RAB27B: variants seen among roughly 807,000 people sequenced by gnomAD.
RAB27B encodes the protein ras-related protein Rab-27B.
A neutral mutation model predicts 24.6 loss-of-function variants in RAB27B; 15 were observed. The ratio of observed to expected loss-of-function variants is 0.61; its 90% CI spans 0.41 to 0.94. RAB27B has a LOEUF of 0.94. Ranked by LOEUF, RAB27B falls within the 40% of genes least tolerant of loss-of-function variation. The pLI, the probability that RAB27B is intolerant of heterozygous loss-of-function variation, is 0.00. For synonymous variants in RAB27B, 105 were observed against 92.5 expected, an observed-to-expected ratio of 1.14 and a Z score of -0.78; for missense variants, 261 against 266.8, an observed-to-expected ratio of 0.98 and a Z score of 0.15.
At chr18:54,841,672 G>A (rs535430821) in intron 1 of RAB27B, among the ~76,000 whole-genome samples, 2 of 152,182 alleles carry the variant, frequency 1.3e-5, no homozygotes, top group African/African-American at 4.8e-5. Context: ...GATAAGAGGT[G>A]GGCTTATAAA....
chr18:54,841,159 C>CGGGGGGGGG (rs1478976600), intron 1 of RAB27B, among the ~76,000 whole-genome samples: 1 of 19,876 alleles, frequency 5.0e-5, no homozygotes, highest in African/African-American at 8.7e-5. Flanking sequence ...GGTGGCGGGG[C>CGGGGGGGGG]GGTGGGGGGT....
chr18:54,881,106 C>A (rs1342068342), intron 3 of RAB27B, among the ~76,000 whole-genome samples: 12 of 152,106 alleles, frequency 7.9e-5, no homozygotes, highest in African/African-American at 2.9e-4. Flanking sequence ...GATAATGTAG[C>A]TTTGGGGTCT....
intron 2 of RAB27B, among the ~76,000 whole-genome samples, chr18:54,755,616 A>T (rs1907980050): frequency 6.6e-6 from 1 of 152,158 alleles, no homozygotes. Context: ...AGCTAAGGAG[A>T]GGTCAGATAA....
At chr18:54,771,206 A>G (rs149637104) in intron 2 of RAB27B, among the ~76,000 whole-genome samples, 29 of 152,362 alleles carry the variant, frequency 1.9e-4, no homozygotes, top group Middle Eastern at 6.8e-3. Flanking sequence ...GTCATTTTAT[A>G]GATAAAATGA....
intron 2 of RAB27B, among the ~76,000 whole-genome samples, chr18:54,814,833 A>T (rs1910073157): frequency 6.6e-6 from 1 of 152,238 alleles, no homozygotes; most frequent in African/African-American, 2.4e-5. Context: ...TTATTGTAGA[A>T]TACTGAATGA....
chr18:54,801,815 A>C (rs992357488), intron 2 of RAB27B, among the ~76,000 whole-genome samples: 1 of 152,186 alleles, frequency 6.6e-6, no homozygotes, highest in Non-Finnish European at 1.5e-5. Flanking sequence ...AGATTTGTTA[A>C]ACCTGTGGAT....
chr18:54,828,158 C>G (rs921510682), upstream of RAB27B: 26 of 152,196 alleles, frequency 1.7e-4, no homozygotes, highest in Non-Finnish European at 3.4e-4. Flanking sequence ...TGAGACACCC[C>G]CTCGGAGGAG....
intron 3 of RAB27B, among the ~76,000 whole-genome samples, chr18:54,880,975 C>G (rs1012734366): frequency 2.6e-5 from 4 of 152,102 alleles, no homozygotes; most frequent in Admixed American, 6.6e-5. Context: ...GCTGTGCAAT[C>G]CATGTAAGAT....
At chr18:54,834,610 A>G (rs1910818837) in intron 1 of RAB27B, among the ~76,000 whole-genome samples, 1 of 152,112 alleles carries the variant, frequency 6.6e-6, no homozygotes, top group African/African-American at 2.4e-5. Context: ...ATAGATAAAT[A>G]GATAGATAAC....
intron 2 of RAB27B, among the ~76,000 whole-genome samples, chr18:54,769,751 A>C (rs1908484009): frequency 6.6e-6 from 1 of 152,192 alleles, no homozygotes; most frequent in Non-Finnish European, 1.5e-5. Context: ...GTAAATCAGC[A>C]GTCTGATTTC....
intron 2 of RAB27B, among the ~76,000 whole-genome samples, chr18:54,753,409 T>A (rs1160510472): frequency 1.3e-5 from 2 of 152,194 alleles, no homozygotes; most frequent in African/African-American, 2.4e-5. Context: ...GGCAAGTTAT[T>A]CTAATTCCTC....
In RAB27B at chr18:54,894,494, A is replaced by C. The variant is rs1383366118; in HGVS notation, c.*5081A>C. 6.6e-6 allele frequency: 1 copy of C among 152,076 alleles called. No individual in the cohort carries two copies. The highest frequency in any genetic ancestry group is 1.5e-5 in the Non-Finnish European group (1 of 67,958). The allele number at this position is 152,076 out of a possible 1,614,324, so 9.4% of individuals were successfully genotyped here. ...TCAAAATGGTTTCTGTTCCTAGAAA[A>C]GTAATAACATATGCTTATCTTTATT... On this transcript the variant is annotated 3_prime_UTR_variant, in exon 6 of 6. Transcript: ENST00000262094.
At position 54,741,659 on chromosome 18, in the gene RAB27B, A is replaced by G. The variant is rs138511203; in HGVS notation, c.-20+23518A>G. On this transcript the variant is annotated intron_variant, in intron 2 of 4. Coordinates refer to the RAB27B transcript ENST00000586570. ...CAGGCATGCACCACCATGCCCAGCT[A>G]ATTTTTTGTTTGTTTGTATTTTTTG... Among the ~76,000 whole-genome samples, 907 of 151,762 alleles carry G rather than the reference A, an allele frequency of 6.0e-3. 5 individuals are homozygous for G. Among genetic ancestry groups the G allele is most frequent in the African/African-American group, 0.021 (883 of 41,340 alleles).
chr18:54,822,743 T>C (rs1269442421), intron 2 of RAB27B, among the ~76,000 whole-genome samples: 1 of 152,212 alleles, frequency 6.6e-6, no homozygotes, highest in Non-Finnish European at 1.5e-5. Context: ...GTTGTAATTA[T>C]TTCTAAAATT....
At chr18:54,886,324 C>A (rs1913134583) in intron 4 of RAB27B, among the ~76,000 whole-genome samples, 1 of 152,110 alleles carries the variant, frequency 6.6e-6, no homozygotes, top group Admixed American at 6.6e-5. Flanking sequence ...AGAGTGCAGA[C>A]TTTTCCATTT....
At chr18:54,876,249 C>T (rs551586103) in intron 1 of RAB27B, among the ~76,000 whole-genome samples, 28 of 152,270 alleles carry the variant, frequency 1.8e-4, no homozygotes, top group African/African-American at 6.0e-4. Context: ...CAATTACCTC[C>T]ACCTGGTCTC....
At chr18:54,742,011 G>T (rs531018962) in intron 2 of RAB27B, among the ~76,000 whole-genome samples, 9 of 152,180 alleles carry the variant, frequency 5.9e-5, no homozygotes, top group African/African-American at 1.4e-4. Context: ...TGGCCTGAAG[G>T]CTTGTGCTAC....
intron 1 of RAB27B, among the ~76,000 whole-genome samples, chr18:54,849,247 T>C (rs1443029039): frequency 6.6e-6 from 1 of 152,320 alleles, no homozygotes; most frequent in East Asian, 1.9e-4. Flanking sequence ...CACACCGACA[T>C]TGGTTGGAGA....
At chr18:54,822,137 A>G (rs981854594) in intron 2 of RAB27B, among the ~76,000 whole-genome samples, 4 of 152,240 alleles carry the variant, frequency 2.6e-5, no homozygotes, top group African/African-American at 9.6e-5. Flanking sequence ...TACCTTAAAA[A>G]AGAGATAGTT....
Sources: allele counts gnomAD v4.1 joint callset (sites outside exome capture counted in the v4.1 genomes callset), GRCh38; gene constraint gnomAD v4.1.1; transcripts MANE v1.5; gene names NCBI Gene and HGNC (gene_info 2026-07-23, HGNC 2026-07-21).